Variants in BBS9 observed in about 807,000 individuals in gnomAD.
BBS9 encodes the protein Bardet-Biedl syndrome 9.
Under a neutral mutation model 117.7 loss-of-function variants are expected in BBS9, and 89 were observed. The observed-to-expected ratio is 0.76, with a 90% confidence interval of 0.64 to 0.90. The LOEUF is 0.90. Ranked by LOEUF, BBS9 falls within the 40% of genes least tolerant of loss-of-function variation. BBS9 has a pLI of 0.00. For synonymous variants in BBS9, 379 were observed against 370.9 expected (o/e 1.02, Z -0.25); for missense variants, 982 against 1,042.2 (o/e 0.94, Z 0.80).
chr7:33,291,133 T>C (rs1803960432), intron 9 of BBS9, among the ~76,000 whole-genome samples: 1 of 152,194 alleles, frequency 6.6e-6, no homozygotes, highest in African/African-American at 2.4e-5. Context: ...TGTTTCTGTT[T>C]TGATATTTTT....
intron 21 of BBS9, among the ~76,000 whole-genome samples, chr7:33,575,581 C>T (rs940991963): frequency 1.7e-4 from 26 of 152,008 alleles, no homozygotes; most frequent in Non-Finnish European, 3.4e-4. Flanking sequence ...ATCCTGATAC[C>T]AAAGCCTGGC....
At chr7:33,552,135 A>G (rs1854529739) in intron 21 of BBS9, among the ~76,000 whole-genome samples, 1 of 152,110 alleles carries the variant, frequency 6.6e-6, no homozygotes, top group South Asian at 2.1e-4. Context: ...TTTTATCTTT[A>G]TTTTGAGTTT....
chr7:33,291,169 C>T (rs1803971375), intron 9 of BBS9, among the ~76,000 whole-genome samples: 1 of 152,092 alleles, frequency 6.6e-6, no homozygotes, highest in Non-Finnish European at 1.5e-5. Flanking sequence ...TGTTTACTAG[C>T]ATAGAATTTA....
At chr7:33,244,620 C>T (rs1162738861) in intron 5 of BBS9, among the ~76,000 whole-genome samples, 1 of 152,186 alleles carries the variant, frequency 6.6e-6, no homozygotes, top group African/African-American at 2.4e-5. Flanking sequence ...GTTCTATGTA[C>T]TGTACCAGGT....
chr7:33,508,425 G>A (rs1430690854), intron 20 of BBS9, among the ~76,000 whole-genome samples: 1 of 152,088 alleles, frequency 6.6e-6, no homozygotes, highest in Non-Finnish European at 1.5e-5. Context: ...AGCCTCTCAG[G>A]GCTACCAGTG....
At chr7:33,466,714 A>G (rs766909718) in intron 19 of BBS9, among the ~76,000 whole-genome samples, 10 of 152,130 alleles carry the variant, frequency 6.6e-5, no homozygotes, top group Non-Finnish European at 1.5e-4. Flanking sequence ...CTGGAAAAAA[A>G]GAAGGATAAA....
intron 21 of BBS9, among the ~76,000 whole-genome samples, chr7:33,584,453 C>T (rs1272354232): frequency 5.9e-5 from 9 of 151,786 alleles, no homozygotes; most frequent in Non-Finnish European, 8.8e-5. Flanking sequence ...TTTTATGTTG[C>T]CTATTAGTTT....
chr7:33,461,524 A>G (rs1312316787), intron 19 of BBS9, among the ~76,000 whole-genome samples: 1 of 151,910 alleles, frequency 6.6e-6, no homozygotes, highest in Admixed American at 6.6e-5. Context: ...GAGAGTTTGT[A>G]AGACTCTCAG....
chr7:33,410,494 T>C (rs1830918310), intron 19 of BBS9, among the ~76,000 whole-genome samples: 1 of 152,156 alleles, frequency 6.6e-6, no homozygotes, highest in African/African-American at 2.4e-5. Flanking sequence ...GCCCCCTCTC[T>C]GTCACTCTCC....
At chr7:33,610,669 A>T (rs963790156), downstream of BBS9, among the ~76,000 whole-genome samples, 77 of 152,220 alleles carry the variant, frequency 5.1e-4, no homozygotes, top group African/African-American at 1.6e-3. Flanking sequence ...CGACTTTTGG[A>T]GGGAACAAAC....
intron 2 of BBS9, among the ~76,000 whole-genome samples, chr7:33,148,089 T>C (rs1226636891): frequency 6.6e-6 from 1 of 152,208 alleles, no homozygotes; most frequent in Non-Finnish European, 1.5e-5. Flanking sequence ...ATGCTGGCAT[T>C]CTCAAGTTTG....
chr7:33,183,459 C>A (rs1055323400), intron 5 of BBS9, among the ~76,000 whole-genome samples: 1 of 152,212 alleles, frequency 6.6e-6, no homozygotes, highest in South Asian at 2.1e-4. Flanking sequence ...AACCATAGTG[C>A]TCCTTAAAAA....
chr7:33,543,951 G>A (rs1162579746), intron 21 of BBS9, among the ~76,000 whole-genome samples: 2 of 151,980 alleles, frequency 1.3e-5, no homozygotes, highest in Non-Finnish European at 2.9e-5. Context: ...CCTTGTCTTC[G>A]AGCTCTGATT....
intron 21 of BBS9, among the ~76,000 whole-genome samples, chr7:33,568,780 G>A (rs548807602): frequency 6.6e-6 from 1 of 152,252 alleles, no homozygotes; most frequent in Admixed American, 6.5e-5. Context: ...GCTTCCCTTC[G>A]GGTAAGAAGG....
At chr7:33,377,783 T>C (rs1824168558) in intron 17 of BBS9, among the ~76,000 whole-genome samples, 1 of 152,154 alleles carries the variant, frequency 6.6e-6, no homozygotes, top group Admixed American at 6.5e-5. Flanking sequence ...CTTTTTGTGG[T>C]AATTATGAAT....
At chr7:33,423,521 T>A (rs148211518) in intron 19 of BBS9, among the ~76,000 whole-genome samples, 53 of 151,532 alleles carry the variant, frequency 3.5e-4, no homozygotes, top group African/African-American at 1.3e-3. Flanking sequence ...GGGCCTTTCA[T>A]ATGATGTGTG....
intron 14 of BBS9, 120 bp from the exon 15 acceptor site, chr7:33,352,739 C>A: frequency 8.5e-7 from 1 of 1,173,638 alleles, no homozygotes; most frequent in Non-Finnish European, 1.3e-6. Context: ...CTGTGAGAAT[C>A]TTGAAATTTT....
At chr7:33,298,735 G>T (rs138034994) in intron 9 of BBS9, among the ~76,000 whole-genome samples, 1 of 152,256 alleles carries the variant, frequency 6.6e-6, no homozygotes, top group East Asian at 1.9e-4. Flanking sequence ...AGTTCAAACA[G>T]TTCAAATCAG....
chr7:33,615,736 GTAA>G (rs1161215781), intron 21 of BBS9, among the ~76,000 whole-genome samples: 2 of 151,972 alleles, frequency 1.3e-5, no homozygotes, highest in Non-Finnish European at 2.9e-5. Context: ...ATCAAAGTGG[GTAA>G]ATACTAAAAA....
Sources: allele counts gnomAD v4.1 joint callset (sites outside exome capture counted in the v4.1 genomes callset), GRCh38; gene constraint gnomAD v4.1.1; transcripts MANE v1.5; gene names NCBI Gene and HGNC (gene_info 2026-07-23, HGNC 2026-07-21).